MYOCD: variants seen among roughly 807,000 people sequenced by gnomAD.
The protein encoded by MYOCD is myocardin.
In MYOCD, 32 loss-of-function variants were observed where a neutral mutation model predicts 96.1. The observed-to-expected ratio is 0.33, with a 90% CI of 0.25 to 0.45. The LOEUF is 0.45. Among genes scored for constraint, MYOCD ranks in the 20% least tolerant of loss-of-function variants. The pLI is 1.00. For synonymous variants in MYOCD, 469 were observed against 469.0 expected (o/e 1.00, Z 0.00); for missense variants, 1,133 against 1,200.6 (o/e 0.94, Z 0.83).
At chr17:12,718,896 G>T (rs137883783) in intron 4 of MYOCD, among the ~76,000 whole-genome samples, 4 of 152,094 alleles carry the variant, frequency 2.6e-5, no homozygotes, top group Admixed American at 6.5e-5. Flanking sequence ...CTTTCAGGCC[G>T]GGTGTGGTGG....
At chr17:12,746,107 A>G (rs1324186341) in intron 9 of MYOCD, 35 bp downstream of exon 9, 6 of 1,605,610 alleles carry the variant, frequency 3.7e-6, no homozygotes, top group African/African-American at 1.3e-5. Flanking sequence ...TTCTTTTTTT[A>G]AACAAATACA....
At chr17:12,709,224 C>T (rs1455819524) in intron 2 of MYOCD, among the ~76,000 whole-genome samples, 2 of 152,168 alleles carry the variant, frequency 1.3e-5, no homozygotes, top group Non-Finnish European at 2.9e-5. Flanking sequence ...TTCTTCCTTC[C>T]CTTTTCCTGG....
At chr17:12,708,831 GTGT>G (rs2031388286) in intron 2 of MYOCD, among the ~76,000 whole-genome samples, 1 of 152,166 alleles carries the variant, frequency 6.6e-6, no homozygotes, top group African/African-American at 2.4e-5. Context: ...GCCAGAACCT[GTGT>G]CTCCTGATCC....
intron 2 of MYOCD, among the ~76,000 whole-genome samples, chr17:12,708,659 G>A (rs1381931326): frequency 6.6e-6 from 1 of 152,060 alleles, no homozygotes; most frequent in African/African-American, 2.4e-5. Context: ...CCAAAGTGCT[G>A]GGATTACAGG....
intron 2 of MYOCD, chr17:12,706,198 T>C (rs1044746399): frequency 1.3e-5 from 2 of 152,218 alleles, no homozygotes; most frequent in Admixed American, 1.3e-4. Flanking sequence ...GGCTAAGCTC[T>C]AGAATAGTAA....
intron 5 of MYOCD, among the ~76,000 whole-genome samples, chr17:12,728,759 G>A (rs1018083544): frequency 5.3e-5 from 8 of 152,156 alleles, no homozygotes; most frequent in Admixed American, 1.3e-4. Context: ...GATTACAGGC[G>A]TGAGCCACCG....
chr17:12,749,555 T>C (rs2032768161), intron 9 of MYOCD, among the ~76,000 whole-genome samples: 1 of 148,988 alleles, frequency 6.7e-6, no homozygotes, highest in African/African-American at 2.4e-5. Context: ...TATGTATGTA[T>C]ATACATATGT....
chr17:12,753,181 C>T lies in MYOCD; in HGVS notation c.1893C>T (p.Pro631=). The change falls in exon 10 of 14, where the codon CCC becomes CCT. Residue 631 remains proline, a synonymous_variant. Transcript: ENST00000425538. The stretch of plus-strand genomic sequence containing the variant: ...TACTTTCTTCCACATTTCTCAGCCC[C>T]CAGTGTTCCCCTCAGCATTCACCGC... ...TNVLSSTFLS[P]QCSPQHSPLG... 1 of 1,614,182 alleles carries T rather than the reference C, an allele frequency of 6.2e-7. No individual in the cohort carries two copies.
intron 1 of MYOCD, among the ~76,000 whole-genome samples, 163 bp downstream of exon 1, chr17:12,666,406 GC>G (rs1909378084): frequency 6.6e-6 from 1 of 152,176 alleles, no homozygotes; most frequent in Non-Finnish European, 1.5e-5. Flanking sequence ...GACTTTGGGG[GC>G]CTTTCGTGTC....
intron 4 of MYOCD, among the ~76,000 whole-genome samples, chr17:12,720,035 A>G (rs888029669): frequency 5.3e-5 from 8 of 152,080 alleles, no homozygotes; most frequent in African/African-American, 1.4e-4. Flanking sequence ...CGTTAGCTGT[A>G]CCTGGAAGCC....
At chr17:12,695,872 C>T (rs926987724) in intron 1 of MYOCD, among the ~76,000 whole-genome samples, 2 of 150,286 alleles carry the variant, frequency 1.3e-5, no homozygotes, top group African/African-American at 4.9e-5. Context: ...CCCCTGGAAC[C>T]CCCCTCCTAC....
Sources: gnomAD v4.1 joint callset for allele counts (sites outside exome capture counted in the v4.1 genomes callset) on GRCh38, gnomAD v4.1.1 for gene constraint, MANE v1.5 for transcripts, NCBI Gene and HGNC (gene_info 2026-07-23, HGNC 2026-07-21) for gene names.